KCNQ5: variants seen among roughly 807,000 people sequenced by gnomAD.
KCNQ5 encodes the protein potassium voltage-gated channel subfamily Q member 5, also known as potassium voltage-gated channel subfamily KQT member 5.
A neutral mutation model predicts 98.2 loss-of-function variants in KCNQ5; 30 were observed. The observed-to-expected ratio is 0.31, with a 90% CI of 0.23 to 0.41. The LOEUF is 0.41. Ranked by LOEUF, KCNQ5 falls within the 10% of genes least tolerant of loss-of-function variation. The probability of loss-of-function intolerance (pLI) is 1.00; values close to 1 mark genes in which losing one functional copy is unlikely to be tolerated. For synonymous variants in KCNQ5, 458 were observed against 449.4 expected (o/e 1.02, Z -0.24); for missense variants, 835 against 1,182.5 (o/e 0.71, Z 4.31).
chr6:73,031,811 A>G (rs1417019575), intron 2 of KCNQ5, among the ~76,000 whole-genome samples: 4 of 152,252 alleles, frequency 2.6e-5, no homozygotes, highest in Non-Finnish European at 1.5e-5. Flanking sequence ...CAGAGAAGTT[A>G]GCTATATGAA....
At chr6:72,814,042 T>A (rs1253316917) in intron 1 of KCNQ5, among the ~76,000 whole-genome samples, 2 of 151,966 alleles carry the variant, frequency 1.3e-5, no homozygotes, top group Non-Finnish European at 2.9e-5. Flanking sequence ...CCAGGCAGGA[T>A]CAGAGGAGGA....
chr6:72,913,635 G>A (rs1057399144), intron 1 of KCNQ5, among the ~76,000 whole-genome samples: 4 of 152,210 alleles, frequency 2.6e-5, no homozygotes, highest in Admixed American at 6.5e-5. Context: ...CAACAGTTGT[G>A]TAAAGTCTAT....
At chr6:73,096,113 G>A (rs1774482172) in intron 5 of KCNQ5, among the ~76,000 whole-genome samples, 1 of 152,116 alleles carries the variant, frequency 6.6e-6, no homozygotes, top group Non-Finnish European at 1.5e-5. Context: ...AAAGATCCAA[G>A]AGTCCCAAAA....
At chr6:73,046,198 C>G (rs1388516022) in intron 3 of KCNQ5, among the ~76,000 whole-genome samples, 1 of 152,176 alleles carries the variant, frequency 6.6e-6, no homozygotes. Context: ...TTCTGTTTCT[C>G]TGTCTTCTCT....
intron 2 of KCNQ5, among the ~76,000 whole-genome samples, chr6:73,025,623 C>CAAAAAA (rs58607159): frequency 3.8e-5 from 2 of 53,016 alleles, no homozygotes; most frequent in African/African-American, 8.3e-5. Flanking sequence ...AACTCCATCT[C>CAAAAAA]AAAAAAAAAA....
At chr6:72,955,002 C>G (rs187453682) in intron 1 of KCNQ5, among the ~76,000 whole-genome samples, 4 of 152,338 alleles carry the variant, frequency 2.6e-5, no homozygotes, top group Middle Eastern at 3.4e-3. Flanking sequence ...GAAAAGGTCT[C>G]CCTGTGTTTT....
chr6:72,709,887 C>T (rs1014287948), intron 1 of KCNQ5, among the ~76,000 whole-genome samples: 3 of 152,046 alleles, frequency 2.0e-5, no homozygotes, highest in African/African-American at 7.2e-5. Flanking sequence ...GTACCTGAAC[C>T]CATGAATCTT....
At chr6:72,962,222 C>CATATATATATATATACACACAT (rs1562096038) in intron 1 of KCNQ5, among the ~76,000 whole-genome samples, 5 of 138,492 alleles carry the variant, frequency 3.6e-5, no homozygotes, top group Non-Finnish European at 6.2e-5. Context: ...TATATACACA[C>CATATATATATATATACACACAT]ATATATATAT....
At chr6:72,847,710 G>C (rs1777075970) in intron 1 of KCNQ5, among the ~76,000 whole-genome samples, 1 of 152,156 alleles carries the variant, frequency 6.6e-6, no homozygotes, top group Non-Finnish European at 1.5e-5. Flanking sequence ...GCTAATGGCA[G>C]CTTGCCATTA....
intron 1 of KCNQ5, among the ~76,000 whole-genome samples, chr6:72,983,853 G>T (rs911155940): frequency 3.3e-5 from 5 of 152,160 alleles, no homozygotes; most frequent in Admixed American, 6.5e-5. Flanking sequence ...TACAGATGGG[G>T]TTTTGGTGTG....
chr6:72,999,387 T>C (rs934281685), intron 1 of KCNQ5, among the ~76,000 whole-genome samples: 1 of 152,198 alleles, frequency 6.6e-6, no homozygotes, highest in Non-Finnish European at 1.5e-5. Flanking sequence ...TAGATCAAAA[T>C]GAATTTCCTC....
intron 3 of KCNQ5, among the ~76,000 whole-genome samples, chr6:73,057,550 G>A (rs904223126): frequency 3.3e-5 from 5 of 151,836 alleles, no homozygotes; most frequent in Non-Finnish European, 7.4e-5. Flanking sequence ...AACCAGGTAG[G>A]TGAAAGATCT....
intron 1 of KCNQ5, among the ~76,000 whole-genome samples, chr6:72,867,998 C>G (rs1382090081): frequency 6.6e-6 from 1 of 151,862 alleles, no homozygotes; most frequent in African/African-American, 2.4e-5. Flanking sequence ...ATTGGAGAGT[C>G]TTGTGGTGGA....
chr6:73,080,791 G>C (rs569293403), intron 5 of KCNQ5, among the ~76,000 whole-genome samples: 8 of 152,100 alleles, frequency 5.3e-5, no homozygotes, highest in Non-Finnish European at 1.0e-4. Flanking sequence ...TCAAAATATA[G>C]GTTTTGTTCC....
rs557183393 is a variant in KCNQ5, at chr6:72,692,887, A to G, written c.398+70300A>G. Among the ~76,000 whole-genome samples, 8 of 152,330 alleles carry G rather than the reference A, an allele frequency of 5.3e-5. No individual in the cohort carries two copies. In the South Asian group the frequency reaches 1.2e-3, roughly 24 times the overall value. The stretch of plus-strand genomic sequence containing the variant: ...AAAGACATACTGTAGAAGGTTTTGT[A>G]TGCAACACCAAGAAATTTGGACTTT... On this transcript the variant is annotated intron_variant, in intron 1 of 13. Transcript: ENST00000370398.
intron 6 of KCNQ5, among the ~76,000 whole-genome samples, chr6:73,109,119 T>A (rs75236728): frequency 0.029 from 4,449 of 152,236 alleles, 208 homozygotes; most frequent in African/African-American, 0.1. Flanking sequence ...GATGAGACAA[T>A]AAGCAGACCT....
chr6:73,159,379 A>G (rs886668331), intron 10 of KCNQ5, among the ~76,000 whole-genome samples: 1 of 152,232 alleles, frequency 6.6e-6, no homozygotes. Context: ...AGAGGATCAG[A>G]AAAAGTAACT....
At chr6:72,821,623 T>C (rs530775250) in intron 1 of KCNQ5, among the ~76,000 whole-genome samples, 3 of 151,888 alleles carry the variant, frequency 2.0e-5, no homozygotes, top group African/African-American at 4.8e-5. Flanking sequence ...TGTTTGGTTT[T>C]GTTTTTTTTT....
intron 1 of KCNQ5, among the ~76,000 whole-genome samples, chr6:72,806,648 G>T (rs527656799): frequency 6.6e-6 from 1 of 152,154 alleles, no homozygotes; most frequent in East Asian, 1.9e-4. Context: ...TCTGAAAATT[G>T]CAAGACTCCA....
Sources: gnomAD v4.1 joint callset for allele counts (sites outside exome capture counted in the v4.1 genomes callset) on GRCh38, gnomAD v4.1.1 for gene constraint, MANE v1.5 for transcripts, NCBI Gene and HGNC (gene_info 2026-07-23, HGNC 2026-07-21) for gene names.